TMED10: variants seen among roughly 807,000 people sequenced by gnomAD.
TMED10 encodes the protein transmembrane emp24 domain-containing protein 10.
A neutral mutation model predicts 23.1 loss-of-function variants in TMED10; 7 were observed. That is an observed-to-expected ratio of 0.30 (90% CI 0.17 to 0.57). The LOEUF (loss-of-function observed/expected upper bound fraction) is 0.57, where lower values mean the gene tolerates loss of function less well. Ranked by LOEUF, TMED10 falls within the 20% of genes least tolerant of loss-of-function variation. TMED10 has a pLI of 0.91. For missense variants in TMED10, 162 were observed against 274.8 expected (o/e 0.59, Z 2.90); for synonymous variants, 113 against 106.9 (o/e 1.06, Z -0.35).
chr14:75,139,346 C>G lies in TMED10; in HGVS notation c.412-3460G>C, dbSNP rs118008888. 1.2e-3 allele frequency among the ~76,000 whole-genome samples: 156 copies of G among 133,594 alleles called. 1 individual carries two copies. The highest frequency in any genetic ancestry group is 1.9e-3 in the Non-Finnish European group (114 of 58,612). 87.6% of individuals were successfully genotyped at this position (133,594 alleles called of 152,430 possible). On this transcript the variant is annotated intron_variant, in intron 3 of 4. Transcript: ENST00000303575. ...CACAGCATTCCACACAGCTAGTATT[C>G]CACATTGTTTAGTTAATCATTCAAT...
intron 4 of TMED10, 199 bp downstream of exon 4, chr14:75,135,561 C>A: frequency 1.6e-6 from 1 of 614,912 alleles, no homozygotes; most frequent in South Asian, 2.2e-5. Flanking sequence ...TGTCACCTGC[C>A]TATCACAGTA....
chr14:75,150,026 C>T (rs1367269277), intron 2 of TMED10, among the ~76,000 whole-genome samples: 1 of 152,140 alleles, frequency 6.6e-6, no homozygotes, highest in African/African-American at 2.4e-5. Flanking sequence ...TCACTTGAAC[C>T]CGGTAAAGTT....
intron 3 of TMED10, chr14:75,136,662 CAATT>C (rs1305660509): frequency 1.3e-5 from 2 of 152,128 alleles, no homozygotes; most frequent in African/African-American, 4.8e-5. Context: ...TCAAAATACA[CAATT>C]AGAGAATTCT....
chr14:75,133,381 CAA>C lies in TMED10; in HGVS notation c.*1502_*1503del, dbSNP rs1228824103. Reference sequence around the variant, plus strand: ...GATACATAGATGGCAAATTAGCACACAAAAAGATACTCAACATCATTAGCCAT... The same window carrying C: ...GATACATAGATGGCAAATTAGCACACAAAGATACTCAACATCATTAGCCAT... On this transcript the variant is annotated 3_prime_UTR_variant, in exon 5 of 5. Coordinates refer to ENST00000303575, the MANE Select transcript of TMED10 (RefSeq NM_006827.6). The C allele has an allele frequency of 6.6e-6, 1 of 152,054 alleles. No homozygotes were observed. Among genetic ancestry groups the C allele is most frequent in the African/African-American group, 2.4e-5 (1 of 41,388 alleles). 9.4% of individuals were successfully genotyped at this position (152,054 alleles called of 1,614,324 possible).
At chr14:75,146,998 T>C (rs1895891847) in intron 3 of TMED10, among the ~76,000 whole-genome samples, 1 of 152,170 alleles carries the variant, frequency 6.6e-6, no homozygotes, top group Non-Finnish European at 1.5e-5. Flanking sequence ...CAAATCACTT[T>C]TCTTAACCTT....
intron 3 of TMED10, chr14:75,139,256 T>C: frequency 2.6e-6 from 1 of 378,972 alleles, no homozygotes; most frequent in Admixed American, 3.5e-5. Context: ...TATAGCTTTT[T>C]TCCATTTAGT....
In TMED10 at chr14:75,133,778, A is replaced by C. The variant is rs1895715111; in HGVS notation, c.*1107T>G. 4.9e-6 allele frequency: 1 copy of C among 202,926 alleles called. No homozygotes were observed. The highest frequency in any genetic ancestry group is 2.4e-5 in the African/African-American group (1 of 41,876). 12.6% of individuals were successfully genotyped at this position (202,926 alleles called of 1,614,324 possible). A position where few individuals can be genotyped will look rare whatever the true frequency, so the allele number is the denominator to read the frequency against. On this transcript the variant is annotated 3_prime_UTR_variant, in exon 5 of 5. Coordinates refer to ENST00000303575, the MANE Select transcript of TMED10 (RefSeq NM_006827.6). ...TCCTTTAGTGGGTGAATGGTTAAGC[A>C]AACTGTGGTACATCCATACCATGGA... is the stretch of plus-strand genomic sequence containing the variant.
chr14:75,142,607 T>G lies in TMED10; in HGVS notation c.411+5057A>C, dbSNP rs77564360. ...TAACACTCAATCATATATTGTCATA[T>G]TCACAAATTGTTTTATTTTTATCCT... On this transcript the variant is annotated intron_variant, in intron 3 of 4. Transcript: ENST00000303575. 9.6e-3 allele frequency among the ~76,000 whole-genome samples: 1,460 copies of G among 152,312 alleles called. 17 individuals carry two copies. The highest frequency in any genetic ancestry group is 0.031 in the African/African-American group (1,277 of 41,574).
intron 3 of TMED10, among the ~76,000 whole-genome samples, chr14:75,144,924 G>T (rs1895864271): frequency 6.6e-6 from 1 of 152,222 alleles, no homozygotes; most frequent in African/African-American, 2.4e-5. Context: ...CTCCCAAAGT[G>T]CTGGGATTAC....
rs1290165316 is a variant in TMED10, at chr14:75,134,307, C to G, written c.*578G>C. On this transcript the variant is annotated 3_prime_UTR_variant, in exon 5 of 5. Transcript: ENST00000303575. ...TGACATTTTCTTTAAGAGTTATCTACAGTTCAAAGCTCACTTTTATGAGGT... is the reference window on the plus strand; with the variant it reads ...TGACATTTTCTTTAAGAGTTATCTAGAGTTCAAAGCTCACTTTTATGAGGT... 6.5e-6 allele frequency: 1 copy of G among 153,912 alleles called. No homozygotes were observed. The highest frequency in any genetic ancestry group is 6.4e-5 in the Admixed American group (1 of 15,506). 9.5% of individuals were successfully genotyped at this position (153,912 alleles called of 1,614,324 possible).
chr14:75,137,023 T>C (rs1895758822), intron 3 of TMED10: 1 of 151,800 alleles, frequency 6.6e-6, no homozygotes. Flanking sequence ...ATCTTTTTTT[T>C]TTTTTTTGGA....
chr14:75,164,573 A>ATT (rs1896135580), intron 1 of TMED10, among the ~76,000 whole-genome samples: 7 of 3,308 alleles, frequency 2.1e-3, no homozygotes, highest in African/African-American at 8.0e-3. Context: ...ATATATATAT[A>ATT]TATATTTTTT....
chr14:75,141,519 A>T (rs1895822520), intron 3 of TMED10, among the ~76,000 whole-genome samples: 1 of 152,212 alleles, frequency 6.6e-6, no homozygotes, highest in South Asian at 2.1e-4. Context: ...CTCACAATGT[A>T]GTATATTTTG....
chr14:75,147,183 C>CCGGT (rs1566670987), intron 3 of TMED10, among the ~76,000 whole-genome samples: 1 of 77,804 alleles, frequency 1.3e-5, no homozygotes, highest in African/African-American at 5.9e-5. Context: ...TTCTTCAAGG[C>CCGGT]TGTTTTTTTT....
In TMED10 at chr14:75,133,036, T is replaced by C. The variant is rs1025999879; in HGVS notation, c.*1849A>G. ...GCAACTCATACTCCTACAGTGATTA[T>C]TGGCTTTGCTTTCATAACATGTATT... On this transcript the variant is annotated 3_prime_UTR_variant, in exon 5 of 5. Coordinates refer to ENST00000303575, the MANE Select transcript of TMED10 (RefSeq NM_006827.6). 2 of 152,252 alleles carry C rather than the reference T, an allele frequency of 1.3e-5. No homozygotes were observed. The highest frequency in any genetic ancestry group is 2.9e-5 in the Non-Finnish European group (2 of 68,032). The allele number at this position is 152,252 out of a possible 1,614,324, so 9.4% of individuals were successfully genotyped here.
At chr14:75,146,753 A>G (rs1895887166) in intron 3 of TMED10, among the ~76,000 whole-genome samples, 1 of 152,096 alleles carries the variant, frequency 6.6e-6, no homozygotes, top group South Asian at 2.1e-4. Flanking sequence ...TCAAATTTCT[A>G]TTATCACCAT....
intron 3 of TMED10, among the ~76,000 whole-genome samples, chr14:75,136,143 A>G (rs1895746604): frequency 6.6e-6 from 1 of 152,184 alleles, no homozygotes. Context: ...AAAGTAAGAT[A>G]TACTATTGTC....
chr14:75,141,052 G>GT (rs2139834525), intron 3 of TMED10, among the ~76,000 whole-genome samples: 2 of 152,136 alleles, frequency 1.3e-5, no homozygotes, highest in African/African-American at 4.8e-5. Context: ...AGGTACCAAG[G>GT]TAAGTTATGA....
chr14:75,144,812 C>T (rs746741301), intron 3 of TMED10, among the ~76,000 whole-genome samples: 5 of 152,220 alleles, frequency 3.3e-5, no homozygotes, highest in Non-Finnish European at 7.3e-5. Flanking sequence ...TACCCGCCAC[C>T]ATGCCCGGCT....
Sources: gnomAD v4.1 joint callset for allele counts (sites outside exome capture counted in the v4.1 genomes callset) on GRCh38, gnomAD v4.1.1 for gene constraint, MANE v1.5 for transcripts, NCBI Gene and HGNC (gene_info 2026-07-23, HGNC 2026-07-21) for gene names.